Variants in CPS1 observed in about 807,000 individuals in gnomAD.
The protein encoded by CPS1 is carbamoyl-phosphate synthase 1.
CPS1 carries 109 observed loss-of-function variants against 174.6 expected under a neutral mutation model. The observed-to-expected ratio is 0.62, with a 90% confidence interval of 0.53 to 0.73. CPS1 has a LOEUF of 0.73. Among genes scored for constraint, CPS1 ranks in the 30% least tolerant of loss-of-function variants. The pLI is 0.00. For synonymous variants in CPS1, 637 were observed against 632.0 expected, an observed-to-expected ratio of 1.01 and a Z score of -0.12; for missense variants, 1,689 against 1,821.9, an observed-to-expected ratio of 0.93 and a Z score of 1.33.
chr2:210,660,584 G>A lies in CPS1; in HGVS notation c.3856G>A (p.Glu1286Lys), dbSNP rs765289967. The A allele has an allele frequency of 3.7e-6, 6 of 1,614,004 alleles. No homozygotes were observed. In the South Asian group the frequency reaches 6.6e-5, roughly 18 times the overall value. ...IDVATKVMIG[E>K]NVDEKHLPTL... Reference sequence around the variant, plus strand: ...TGTGGCCACCAAGGTGATGATTGGAGAGAATGTTGATGAGAAACATCTTCC... The same window carrying A: ...TGTGGCCACCAAGGTGATGATTGGAAAGAATGTTGATGAGAAACATCTTCC... Residue 1286 changes from glutamate to lysine, a missense_variant, in exon 32 of 38, where the codon GAG (glutamate) becomes AAG (lysine). By Grantham distance (56) the Glu-to-Lys change is moderately conservative. Coordinates refer to ENST00000233072, the MANE Select transcript of CPS1 (RefSeq NM_001875.5).
chr2:210,482,395 C>T (rs1380191943), intron 1 of CPS1, among the ~76,000 whole-genome samples: 6 of 151,548 alleles, frequency 4.0e-5, no homozygotes, highest in Admixed American at 2.6e-4. Context: ...AGCTCACTCT[C>T]GGGTTCCAGC....
At chr2:210,677,812 T>C (rs1401252899) in intron 37 of CPS1, 75 bp from the exon 38 acceptor site, 4 of 1,182,600 alleles carry the variant, frequency 3.4e-6, no homozygotes, top group Non-Finnish European at 5.1e-6. Context: ...CAGACACTTG[T>C]GACTTTTGTC....
At chr2:210,600,780 C>A in intron 15 of CPS1, 68 bp downstream of exon 15, 1 of 1,490,200 alleles carries the variant, frequency 6.7e-7, no homozygotes, top group South Asian at 1.1e-5. Flanking sequence ...AATGATTTTT[C>A]ATGCCTAATA....
intron 25 of CPS1, among the ~76,000 whole-genome samples, chr2:210,645,136 T>C (rs1700339367): frequency 6.6e-6 from 1 of 152,110 alleles, no homozygotes; most frequent in South Asian, 2.1e-4. Context: ...CATAAAACTG[T>C]GCTATATTAA....
chr2:210,498,948 G>C (rs1374762913), intron 1 of CPS1, among the ~76,000 whole-genome samples: 1 of 152,190 alleles, frequency 6.6e-6, no homozygotes, highest in East Asian at 1.9e-4. Context: ...GTCTGAACAG[G>C]ATGGGTGGGC....
chr2:210,492,374 G>C (rs139754038), intron 1 of CPS1, among the ~76,000 whole-genome samples: 88 of 152,216 alleles, frequency 5.8e-4, no homozygotes, highest in African/African-American at 8.7e-4. Context: ...AATAGGTACT[G>C]GATAATTTTT....
At chr2:210,586,753 C>A (rs149173766) in intron 6 of CPS1, among the ~76,000 whole-genome samples, 7 of 152,168 alleles carry the variant, frequency 4.6e-5, no homozygotes, top group African/African-American at 1.7e-4. Context: ...GTGGTGAAAG[C>A]TGGCTCCTTT....
chr2:210,660,470 A>G lies in CPS1; in HGVS notation c.3757-15A>G. The G allele has an allele frequency of 6.2e-7, 1 of 1,613,662 alleles. No individual in the cohort carries two copies. Among genetic ancestry groups the G allele is most frequent in the Admixed American group, 1.7e-5 (1 of 60,014 alleles). ...CTCAATGTCCTCTTTCTCATTTTGAATTTTATCTCTTCAGGTGATTGAGTG... is the reference window on the plus strand; with the variant it reads ...CTCAATGTCCTCTTTCTCATTTTGAGTTTTATCTCTTCAGGTGATTGAGTG... On this transcript the variant is annotated splice_polypyrimidine_tract_variant and intron_variant, in intron 31 of 37. Transcript: ENST00000233072.
intron 1 of CPS1, among the ~76,000 whole-genome samples, chr2:210,498,133 A>G (rs1475469708): frequency 6.6e-6 from 1 of 151,374 alleles, no homozygotes; most frequent in East Asian, 1.9e-4. Flanking sequence ...ATTGTATCTT[A>G]TTTTGGTTTT....
At chr2:210,532,890 A>T (rs953559996) in intron 1 of CPS1, among the ~76,000 whole-genome samples, 1 of 152,090 alleles carries the variant, frequency 6.6e-6, no homozygotes, top group African/African-American at 2.4e-5. Flanking sequence ...TAAAGATCAT[A>T]CTCTGATTAT....
intron 19 of CPS1, among the ~76,000 whole-genome samples, chr2:210,609,961 A>G (rs1699052894): frequency 6.6e-6 from 1 of 152,014 alleles, no homozygotes; most frequent in Non-Finnish European, 1.5e-5. Flanking sequence ...GATACTAATG[A>G]AAGATTTTAA....
intron 21 of CPS1, among the ~76,000 whole-genome samples, chr2:210,630,092 CAAAAA>C (rs11372499): frequency 7.5e-6 from 1 of 132,910 alleles, no homozygotes; most frequent in Admixed American, 7.5e-5. Context: ...AAAAACAAAA[CAAAAA>C]AAAAAAACAA....
chr2:210,648,427 T>C, intron 26 of CPS1, 46 bp from the exon 27 acceptor site: 2 of 1,461,070 alleles, frequency 1.4e-6, no homozygotes, highest in Non-Finnish European at 1.9e-6. Context: ...TTTTATTGCA[T>C]ATTTTAAACT....
chr2:210,571,245 G>C (rs1697469568), intron 1 of CPS1, among the ~76,000 whole-genome samples: 1 of 151,904 alleles, frequency 6.6e-6, no homozygotes, highest in Non-Finnish European at 1.5e-5. Context: ...TCAAGCTTGA[G>C]ATTTCAAACA....
At chr2:210,607,406 A>T (rs1469049239) in intron 18 of CPS1, among the ~76,000 whole-genome samples, 2 of 151,962 alleles carry the variant, frequency 1.3e-5, no homozygotes, top group Non-Finnish European at 2.9e-5. Flanking sequence ...GAATTTTTTC[A>T]CAAGTAACTG....
intron 1 of CPS1, among the ~76,000 whole-genome samples, chr2:210,509,686 A>G (rs1297958778): frequency 6.6e-6 from 1 of 152,230 alleles, no homozygotes; most frequent in Non-Finnish European, 1.5e-5. Context: ...GCAAAGTCTC[A>G]GGATACAAAA....
chr2:210,566,816 A>G (rs1437796528), intron 1 of CPS1, among the ~76,000 whole-genome samples: 1 of 152,080 alleles, frequency 6.6e-6, no homozygotes, highest in Non-Finnish European at 1.5e-5. Context: ...GATAGTATTC[A>G]GTACGTTCAT....
At chr2:210,591,165 C>G (rs367569543) in intron 9 of CPS1, among the ~76,000 whole-genome samples, 1 of 151,886 alleles carries the variant, frequency 6.6e-6, no homozygotes, top group East Asian at 1.9e-4. Flanking sequence ...AAGCAGCCTT[C>G]TCTAATGATA....
chr2:210,663,700 G>C (rs919225046), intron 33 of CPS1, among the ~76,000 whole-genome samples: 3 of 152,068 alleles, frequency 2.0e-5, no homozygotes, highest in African/African-American at 7.2e-5. Flanking sequence ...AACTATAATG[G>C]AATCGGCCAC....
Sources: gnomAD v4.1 joint callset for allele counts (sites outside exome capture counted in the v4.1 genomes callset) on GRCh38, gnomAD v4.1.1 for gene constraint, MANE v1.5 for transcripts, NCBI Gene and HGNC (gene_info 2026-07-23, HGNC 2026-07-21) for gene names.